KDM8: variants seen among roughly 807,000 people sequenced by gnomAD.
KDM8 encodes the protein lysine demethylase 8.
In KDM8, 35 loss-of-function variants were observed where a neutral mutation model predicts 46.9. The observed-to-expected ratio is 0.75, with a 90% confidence interval of 0.57 to 0.99. KDM8 has a LOEUF of 0.99. KDM8 is among the 50% of genes least tolerant of loss of function. KDM8 has a pLI of 0.00. For missense variants in KDM8, 475 were observed against 537.0 expected, an observed-to-expected ratio of 0.88 and a Z score of 1.14; for synonymous variants, 232 against 227.7, an observed-to-expected ratio of 1.02 and a Z score of -0.17.
intron 5 of KDM8, among the ~76,000 whole-genome samples, chr16:27,218,565 G>T (rs1596658921): frequency 6.6e-6 from 1 of 152,240 alleles, no homozygotes; most frequent in Non-Finnish European, 1.5e-5. Context: ...GCAAGGGCCG[G>T]GTGCGGTGGC....
At chr16:27,218,247 A>T (rs1346827866) in intron 5 of KDM8, among the ~76,000 whole-genome samples, 1 of 151,654 alleles carries the variant, frequency 6.6e-6, no homozygotes, top group Non-Finnish European at 1.5e-5. Context: ...GTACCACTGC[A>T]CTCCGGACTG....
At chr16:27,216,231 C>T (rs2083550808) in intron 5 of KDM8, 2 of 564,664 alleles carry the variant, frequency 3.5e-6, no homozygotes, top group Admixed American at 3.0e-5. Flanking sequence ...GAGCAGCTGT[C>T]GGAGCGGGTG....
rs756240496 is a variant in KDM8, at chr16:27,213,636, G to A, written c.550G>A (p.Val184Ile). ...LIPDVKLEKT[V>I]PRLHRPSLQH... ...TCCAGATGTGAAGTTAGAAAAAACA[G>A]TCCCCCGGCTGCACCGTCCGTCCCT... The change falls in exon 3 of 8, where the codon GTC becomes ATC. Residue 184 changes from valine to isoleucine, a missense_variant. Val to Ile is a conservative substitution (Grantham distance 29, BLOSUM62 3). Coordinates refer to ENST00000286096, the MANE Select transcript of KDM8 (RefSeq NM_024773.3). 1 of 1,614,142 alleles carries A rather than the reference G, an allele frequency of 6.2e-7. No homozygotes were observed. The highest frequency in any genetic ancestry group is 2.2e-5 in the East Asian group (1 of 44,884).
At chr16:27,218,293 T>A (rs2083576436) in intron 5 of KDM8, among the ~76,000 whole-genome samples, 1 of 151,206 alleles carries the variant, frequency 6.6e-6, no homozygotes, top group Admixed American at 6.6e-5. Context: ...AAAAAAAAAT[T>A]ACAATAAATA....
intron 1 of KDM8, chr16:27,204,257 A>G (rs1362117318): frequency 1.4e-5 from 19 of 1,407,040 alleles, no homozygotes; most frequent in Non-Finnish European, 1.8e-5. Context: ...AACGATGGGC[A>G]TCGGTGCGTT....
Position 27,203,577 on chromosome 16 carries a change from C to T in KDM8, c.-91C>T, listed in dbSNP as rs1468419536. The T allele has an allele frequency of 6.5e-6, 1 of 153,600 alleles. No homozygotes were observed. Among genetic ancestry groups the T allele is most frequent in the Non-Finnish European group, 1.5e-5 (1 of 68,516 alleles). 9.5% of individuals were successfully genotyped at this position (153,600 alleles called of 1,614,324 possible). On this transcript the variant is annotated 5_prime_UTR_variant, in exon 1 of 8. It introduces an in-frame stop codon into an upstream open reading frame of the 5' UTR. Transcript: ENST00000286096. ...AGGGGACACAGCCGAGTGGTCGGAC[C>T]AAACGCAACGAGTCTTCGCCAGCCC... is the stretch of plus-strand genomic sequence containing the variant.
At position 27,210,441 on chromosome 16, in the gene KDM8, G is replaced by A. The variant is rs372239061; in HGVS notation, c.318G>A (p.Leu106=). The A allele has an allele frequency of 3.7e-6, 6 of 1,601,416 alleles. No individual in the cohort carries two copies. Among genetic ancestry groups the A allele is most frequent in the Admixed American group, 1.7e-5 (1 of 59,732 alleles). The part of the protein sequence containing the change: ...AIGCLLKALC[L]CQAPEDANTV... Reference sequence around the variant, plus strand: ...GCTGCCTCCTGAAAGCCCTGTGTCTGTGCCAGGCACCTGAGGATGCCAACA... The same window carrying A: ...GCTGCCTCCTGAAAGCCCTGTGTCTATGCCAGGCACCTGAGGATGCCAACA... The change falls in exon 2 of 8, where the codon CTG becomes CTA. Residue 106 remains leucine, a synonymous_variant. Coordinates refer to ENST00000286096, the MANE Select transcript of KDM8 (RefSeq NM_024773.3).
chr16:27,219,238 A>C, intron 6 of KDM8, 128 bp downstream of exon 6: 1 of 1,066,542 alleles, frequency 9.4e-7, no homozygotes. Flanking sequence ...GGATGAGGAC[A>C]AAAATATAAA....
At chr16:27,204,100 G>A in intron 1 of KDM8, 1 of 1,547,962 alleles carries the variant, frequency 6.5e-7, no homozygotes, top group Non-Finnish European at 8.7e-7. Context: ...AATATGAGCC[G>A]CGAGAAATGC....
At position 27,210,123 on chromosome 16, in the gene KDM8, G is replaced by A. The variant is rs542617450; in HGVS notation, c.-1G>A. The A allele has an allele frequency of 4.5e-5, 72 of 1,610,932 alleles. No homozygotes were observed. Among genetic ancestry groups the A allele is most frequent in the South Asian group, 2.7e-4 (25 of 90,950 alleles). ...GGACTGAACCAGCTGGTGGTGGCCC[G>A]ATGGCTGGAGACACCCACTGCCCCG... is the stretch of plus-strand genomic sequence containing the variant. On this transcript the variant is annotated 5_prime_UTR_variant, in exon 2 of 8. Transcript: ENST00000286096.
At chr16:27,204,650 CAGTG>C (rs993097846) in intron 1 of KDM8, among the ~76,000 whole-genome samples, 4 of 152,116 alleles carry the variant, frequency 2.6e-5, no homozygotes, top group African/African-American at 9.7e-5. Flanking sequence ...CTGCAAATCA[CAGTG>C]AGGCTCTCGG....
At chr16:27,214,089 C>A in intron 3 of KDM8, 1 of 194,072 alleles carries the variant, frequency 5.2e-6, no homozygotes, top group Admixed American at 5.7e-5. Flanking sequence ...CAGAAATAAC[C>A]CAAGAGACAG....
In KDM8 at chr16:27,221,149, C is replaced by T. The variant is rs568081835; in HGVS notation, c.*419C>T. 40 of 339,400 alleles carry T rather than the reference C, an allele frequency of 1.2e-4. 1 individual carries two copies. The highest frequency in any genetic ancestry group is 7.7e-4 in the African/African-American group (36 of 46,766). 21.0% of individuals were successfully genotyped at this position (339,400 alleles called of 1,614,324 possible). A position where few individuals can be genotyped will look rare whatever the true frequency, so the allele number is the denominator to read the frequency against. ...GTGACTTGGCCAGGATCCCCCACTT[C>T]GCTGTGCCCATATGGAAAAGAGGGC... On this transcript the variant is annotated 3_prime_UTR_variant, in exon 8 of 8. Coordinates refer to ENST00000286096, the MANE Select transcript of KDM8 (RefSeq NM_024773.3).
intron 1 of KDM8, chr16:27,204,151 C>A: frequency 6.6e-7 from 1 of 1,523,052 alleles, no homozygotes. Context: ...GGGTCTGAGG[C>A]CTCGGGGCTC....
chr16:27,215,406 C>T (rs1190453130), intron 4 of KDM8, among the ~76,000 whole-genome samples: 1 of 152,036 alleles, frequency 6.6e-6, no homozygotes, highest in African/African-American at 2.4e-5. Context: ...ATAGTGAAAC[C>T]CTGTCTCTAT....
intron 2 of KDM8, among the ~76,000 whole-genome samples, chr16:27,212,991 T>C (rs912308122): frequency 2.0e-5 from 3 of 152,192 alleles, no homozygotes; most frequent in African/African-American, 7.2e-5. Flanking sequence ...TGGCTGGCCA[T>C]TTCCCAGCAG....
intron 6 of KDM8, among the ~76,000 whole-genome samples, chr16:27,220,074 A>G (rs554761266): frequency 6.6e-6 from 1 of 152,152 alleles, no homozygotes; most frequent in South Asian, 2.1e-4. Flanking sequence ...TACAAAAATC[A>G]GCTGGGTGTG....
chr16:27,210,383 T>C lies in KDM8; in HGVS notation c.260T>C (p.Val87Ala), dbSNP rs1439596292. 1.6e-5 allele frequency: 26 copies of C among 1,613,086 alleles called. No homozygotes were observed. Among genetic ancestry groups the C allele is most frequent in the Non-Finnish European group, 1.9e-5 (23 of 1,179,826 alleles). The change falls in exon 2 of 8, where the codon GTA (valine) becomes GCA (alanine). Residue 87 changes from valine to alanine, a missense_variant. Transcript: ENST00000286096. ...CTCAACACGGGCACATGGCAGGACG[T>C]AGACAAAGACTGGCGCCGGGTCTAC... ...EKLNTGTWQD[V>A]DKDWRRVYAI...
In KDM8 at chr16:27,214,968, T is replaced by A; in HGVS notation, c.758T>A (p.Met253Lys). The change falls in exon 4 of 8, where the codon ATG becomes AAG. Residue 253 changes from methionine to lysine, a missense_variant. Met to Lys is a moderately conservative substitution (Grantham distance 95). Coordinates refer to ENST00000286096, the MANE Select transcript of KDM8 (RefSeq NM_024773.3). The part of the protein sequence containing the change: ...YTDEEWSQTL[M>K]TVNEFISKYI... ...GATGAGGAATGGTCCCAGACCCTCA[T>A]GACGGTCAACGAGTTCATCAGCAAA... The A allele has an allele frequency of 1.2e-6, 2 of 1,614,186 alleles. No homozygotes were observed. Among genetic ancestry groups the A allele is most frequent in the Non-Finnish European group, 1.7e-6 (2 of 1,180,022 alleles).
Sources: gnomAD v4.1 joint callset for allele counts (sites outside exome capture counted in the v4.1 genomes callset) on GRCh38, gnomAD v4.1.1 for gene constraint, MANE v1.5 for transcripts, NCBI Gene and HGNC (gene_info 2026-07-23, HGNC 2026-07-21) for gene names.